Variants in OPRK1 observed in about 807,000 individuals in gnomAD.
OPRK1 encodes the protein opioid receptor kappa 1.
In OPRK1, 15 loss-of-function variants were observed where a neutral mutation model predicts 24.5. That is an observed-to-expected ratio of 0.61 (90% CI 0.41 to 0.94). OPRK1 has a LOEUF of 0.94. OPRK1 is among the 40% of genes least tolerant of loss of function. OPRK1 has a pLI of 0.00. For missense variants in OPRK1, 479 were observed against 507.3 expected (o/e 0.94, Z 0.54); for synonymous variants, 205 against 198.0 (o/e 1.04, Z -0.30).
Position 53,227,417 on chromosome 8 carries a change from C to T in OPRK1, c.*1880G>A, listed in dbSNP as rs546234480. ...GTTCCATAAAGAAGTTTTTATATTT[C>T]CTATTTCACCAGGGCTTGTTTCTGG... On this transcript the variant is annotated 3_prime_UTR_variant, in exon 4 of 4. Transcript: ENST00000265572. The T allele has an allele frequency of 3.3e-5, 5 of 152,250 alleles. No homozygotes were observed. In the South Asian group the frequency reaches 8.3e-4, roughly 25 times the overall value. 9.4% of individuals were successfully genotyped at this position (152,250 alleles called of 1,614,324 possible).
At chr8:53,237,448 A>G (rs1332140580) in intron 2 of OPRK1, among the ~76,000 whole-genome samples, 1 of 152,196 alleles carries the variant, frequency 6.6e-6, no homozygotes, top group African/African-American at 2.4e-5. Context: ...CCATCTGCAG[A>G]TCTCAGAGAG....
chr8:53,245,165 C>T (rs73589371), intron 2 of OPRK1, among the ~76,000 whole-genome samples: 14,404 of 152,190 alleles, frequency 0.095, 738 homozygotes, highest in South Asian at 0.18. Context: ...TTGGTTGAAT[C>T]CATGGATGCA....
At chr8:53,250,657 G>A (rs1399376910) in intron 2 of OPRK1, 124 bp downstream of exon 2, 2 of 1,026,932 alleles carry the variant, frequency 1.9e-6, no homozygotes, top group East Asian at 2.9e-5. Context: ...GCATTTCCAG[G>A]ATCCTTCACG....
chr8:53,249,894 G>A (rs773601143), intron 2 of OPRK1, among the ~76,000 whole-genome samples: 1 of 152,148 alleles, frequency 6.6e-6, no homozygotes, highest in African/African-American at 2.4e-5. Context: ...TGTTGACAAA[G>A]CTCTAGTGCT....
rs1807370204 is a variant in OPRK1 at position 53,250,906 on chromosome 8, C to CGAGCCGGCG, written c.123_131dup (p.Ala42_Ser44dup). The CGAGCCGGCG allele has an allele frequency of 6.2e-7, 1 of 1,611,058 alleles. No homozygotes were observed. Among genetic ancestry groups the CGAGCCGGCG allele is most frequent in the Non-Finnish European group, 8.5e-7 (1 of 1,179,160 alleles). On this transcript the variant is annotated inframe_insertion, in exon 2 of 4. Transcript: ENST00000265572. ...GCGCGGGCTCCAGCTGCGCGTCCTC[C>CGAGCCGGCG]GAGCCGGCGCTGCCGTTGCTGTCGG... is the stretch of plus-strand genomic sequence containing the variant.
At chr8:53,239,077 C>G (rs1336267749) in intron 2 of OPRK1, among the ~76,000 whole-genome samples, 1 of 152,184 alleles carries the variant, frequency 6.6e-6, no homozygotes, top group Non-Finnish European at 1.5e-5. Flanking sequence ...AATCAACACA[C>G]TTTCAGTTGC....
At chr8:53,247,681 G>T (rs1807264595) in intron 2 of OPRK1, among the ~76,000 whole-genome samples, 1 of 32 alleles carries the variant, frequency 0.031, no homozygotes, top group African/African-American at 0.1. Flanking sequence ...ACAGGAGGAA[G>T]TCAGGAACCA....
At chr8:53,230,231 A>G (rs902641251) in intron 3 of OPRK1, among the ~76,000 whole-genome samples, 1 of 152,122 alleles carries the variant, frequency 6.6e-6, no homozygotes, top group South Asian at 2.1e-4. Flanking sequence ...GCAATAAAAA[A>G]GCTAATGTCT....
At chr8:53,247,531 G>A (rs1303969042) in intron 2 of OPRK1, among the ~76,000 whole-genome samples, 2 of 152,120 alleles carry the variant, frequency 1.3e-5, no homozygotes, top group Non-Finnish European at 2.9e-5. Context: ...AAAGTCGAAC[G>A]CGTATGAAGT....
At chr8:53,231,156 A>G (rs1806845039) in intron 3 of OPRK1, among the ~76,000 whole-genome samples, 1 of 152,204 alleles carries the variant, frequency 6.6e-6, no homozygotes, top group Admixed American at 6.5e-5. Context: ...GATTTTTTAA[A>G]AAAGTCATTG....
At chr8:53,243,688 G>C (rs1457007742) in intron 2 of OPRK1, among the ~76,000 whole-genome samples, 1 of 152,160 alleles carries the variant, frequency 6.6e-6, no homozygotes, top group Non-Finnish European at 1.5e-5. Flanking sequence ...GTTGTCAAAT[G>C]TATACAAATT....
Position 53,229,387 on chromosome 8 carries a change from C to T in OPRK1, c.1053G>A (p.Arg351=). 6.2e-7 allele frequency: 1 copy of T among 1,614,180 alleles called. No homozygotes were observed. The highest frequency in any genetic ancestry group is 8.5e-7 in the Non-Finnish European group (1 of 1,180,038). The part of the protein sequence containing the change: ...FRDFCFPLKM[R]MERQSTSRVR... ...CTCTGCTAGTGCTCTGCCGCTCCATCCTCATCTTCAGTGGAAAGCAGAAGT... is the reference window on the plus strand; with the variant it reads ...CTCTGCTAGTGCTCTGCCGCTCCATTCTCATCTTCAGTGGAAAGCAGAAGT... The change falls in exon 4 of 4, where the codon AGG becomes AGA. Residue 351 remains arginine, a synonymous_variant. Coordinates refer to ENST00000265572, the MANE Select transcript of OPRK1 (RefSeq NM_000912.5).
At chr8:53,229,865 C>T in intron 3 of OPRK1, 36 bp from the exon 4 acceptor site, 4 of 1,508,780 alleles carry the variant, frequency 2.7e-6, no homozygotes, top group African/African-American at 1.4e-5. Context: ...ACACAGAAAC[C>T]TGTTATTGTT....
Position 53,234,770 on chromosome 8 carries a change from T to C in OPRK1, c.599A>G (p.Lys200Arg). The change falls in exon 3 of 4, where the codon AAA becomes AGA. Residue 200 changes from lysine (K) to arginine (R), a missense_variant. By Grantham distance (26) the Lys-to-Arg change is conservative (BLOSUM62 2). Coordinates refer to ENST00000265572, the MANE Select transcript of OPRK1 (RefSeq NM_000912.5). ...ATGACTGCTCTTACCTTCCCTGACT[T>C]TGGTGCCTCCAAGGACTATTGCAGA... ...GISAIVLGGT[K>R]VREDVDVIEC... 1 of 1,609,326 alleles carries C rather than the reference T, an allele frequency of 6.2e-7. No homozygotes were observed. Among genetic ancestry groups the C allele is most frequent in the South Asian group, 1.1e-5 (1 of 91,030 alleles).
intron 2 of OPRK1, among the ~76,000 whole-genome samples, chr8:53,235,392 A>G (rs1398190482): frequency 6.6e-6 from 1 of 152,242 alleles, no homozygotes; most frequent in Non-Finnish European, 1.5e-5. Flanking sequence ...TAGATCTAGC[A>G]TTGCATATAA....
chr8:53,242,096 G>A (rs1807128286), intron 2 of OPRK1, among the ~76,000 whole-genome samples: 1 of 152,190 alleles, frequency 6.6e-6, no homozygotes. Flanking sequence ...GATGCCTAGC[G>A]GTATATGGAT....
intron 2 of OPRK1, 72 bp from the exon 3 acceptor site, chr8:53,235,183 A>G: frequency 7.6e-7 from 1 of 1,310,050 alleles, no homozygotes; most frequent in African/African-American, 1.5e-5. Flanking sequence ...TGTTTGTGAT[A>G]GCCTTTGGAT....
intron 2 of OPRK1, among the ~76,000 whole-genome samples, chr8:53,248,378 T>C (rs1235358265): frequency 2.0e-5 from 3 of 152,344 alleles, no homozygotes; most frequent in South Asian, 2.1e-4. Context: ...AATGATTTTC[T>C]ATAAGGTTGA....
chr8:53,246,803 A>G (rs976710188), intron 2 of OPRK1, among the ~76,000 whole-genome samples: 5 of 152,204 alleles, frequency 3.3e-5, no homozygotes, highest in Non-Finnish European at 5.9e-5. Flanking sequence ...TAAAGAGAGT[A>G]AAGAATATGA....
Sources: allele counts gnomAD v4.1 joint callset (sites outside exome capture counted in the v4.1 genomes callset), GRCh38; gene constraint gnomAD v4.1.1; transcripts MANE v1.5; gene names NCBI Gene and HGNC (gene_info 2026-07-23, HGNC 2026-07-21).